The following ABCG2 variants were observed in gnomAD, a reference collection of about 807,000 sequenced individuals.
The protein encoded by ABCG2 is broad substrate specificity ATP-binding cassette transporter ABCG2.
In ABCG2, 80 loss-of-function variants were observed where a neutral mutation model predicts 73.5. That is an observed-to-expected ratio of 1.09 (90% CI 0.91 to 1.31). The LOEUF (loss-of-function observed/expected upper bound fraction) is 1.31. Ranked by LOEUF, ABCG2 falls within the 50% of genes most tolerant of loss-of-function variation. ABCG2 has a pLI of 0.00. For synonymous variants in ABCG2, 269 were observed against 282.4 expected, an observed-to-expected ratio of 0.95 and a Z score of 0.48; for missense variants, 796 against 786.2, an observed-to-expected ratio of 1.01 and a Z score of -0.15.
chr4:88,188,493 A>G (rs1728556858), intron 1 of ABCG2, among the ~76,000 whole-genome samples: 1 of 152,132 alleles, frequency 6.6e-6, no homozygotes. Flanking sequence ...GATTAGAAGC[A>G]TGAGCCACCA....
chr4:88,176,347 C>T (rs1727973076), intron 1 of ABCG2, among the ~76,000 whole-genome samples: 1 of 151,874 alleles, frequency 6.6e-6, no homozygotes, highest in African/African-American at 2.4e-5. Flanking sequence ...TCATTTCCTC[C>T]TCTCCTGTTC....
chr4:88,177,571 C>A (rs1379249310), intron 1 of ABCG2, among the ~76,000 whole-genome samples: 1 of 152,088 alleles, frequency 6.6e-6, no homozygotes, highest in Non-Finnish European at 1.5e-5. Flanking sequence ...CCAAATTGAA[C>A]CACTATCTAC....
chr4:88,140,005 T>C lies in ABCG2; in HGVS notation c.-10A>G, dbSNP rs1725520638. On this transcript the variant is annotated 5_prime_UTR_variant, in exon 2 of 16. Coordinates refer to ENST00000237612, the MANE Select transcript of ABCG2 (RefSeq NM_004827.3). ...CATTACTGGAAGACATCTGGAGAGT[T>C]TTTATCTTTCTGCAGACAGAAAAGC... 2 of 1,612,666 alleles carry C rather than the reference T, an allele frequency of 1.2e-6. No individual in the cohort carries two copies. Among genetic ancestry groups the C allele is most frequent in the African/African-American group, 2.7e-5 (2 of 75,020 alleles).
upstream of ABCG2, chr4:88,158,655 C>A (rs1234464211): frequency 2.2e-6 from 1 of 456,158 alleles, no homozygotes; most frequent in Non-Finnish European, 4.4e-6. Context: ...TTCCCTCCTG[C>A]GCGCCCGGAA....
chr4:88,184,011 C>G (rs1263682284), intron 1 of ABCG2, among the ~76,000 whole-genome samples: 2 of 151,988 alleles, frequency 1.3e-5, no homozygotes, highest in Non-Finnish European at 2.9e-5. Context: ...ATTCAACATC[C>G]CTTCATGATA....
chr4:88,138,321 G>A (rs976273458), intron 2 of ABCG2, among the ~76,000 whole-genome samples: 1 of 152,070 alleles, frequency 6.6e-6, no homozygotes, highest in Non-Finnish European at 1.5e-5. Flanking sequence ...TGCTGGGTAT[G>A]GAGACAAACA....
chr4:88,162,235 G>A (rs1216299923), upstream of ABCG2, among the ~76,000 whole-genome samples: 1 of 151,646 alleles, frequency 6.6e-6, no homozygotes, highest in African/African-American at 2.4e-5. Flanking sequence ...ATTTGTTCTG[G>A]GTAGTAACAT....
In ABCG2 at chr4:88,164,748, T is replaced by C. The variant is rs150343957; in HGVS notation, c.-19-24734A>G. On this transcript the variant is annotated intron_variant, in intron 1 of 15. Transcript: ENST00000515655. ...ACAAAAGGGAAGGAAGTTGGATGTA[T>C]CCTCATGGAGGTAAATGGATTTTTT... 2.0e-3 allele frequency among the ~76,000 whole-genome samples: 297 copies of C among 152,304 alleles called. 1 individual carries two copies. Among genetic ancestry groups the C allele is most frequent in the Non-Finnish European group, 3.8e-3 (257 of 68,024 alleles).
intron 1 of ABCG2, among the ~76,000 whole-genome samples, chr4:88,217,643 C>T (rs546807665): frequency 6.8e-6 from 1 of 148,122 alleles, no homozygotes; most frequent in African/African-American, 2.5e-5. Context: ...GCCTGGGCAA[C>T]AGAATGAGAC....
chr4:88,095,802 G>A (rs1721946162), intron 13 of ABCG2, among the ~76,000 whole-genome samples, 193 bp from the exon 14 acceptor site: 1 of 152,120 alleles, frequency 6.6e-6, no homozygotes, highest in South Asian at 2.1e-4. Context: ...CTATATAGCT[G>A]AAGTCATTTA....
At chr4:88,215,214 C>A (rs1461975921) in intron 1 of ABCG2, among the ~76,000 whole-genome samples, 1 of 152,044 alleles carries the variant, frequency 6.6e-6, no homozygotes, top group Non-Finnish European at 1.5e-5. Context: ...AATATTCAAG[C>A]CAAATTAATT....
intron 1 of ABCG2, among the ~76,000 whole-genome samples, chr4:88,144,408 G>C (rs560517995): frequency 6.7e-6 from 1 of 148,520 alleles, no homozygotes; most frequent in Non-Finnish European, 1.5e-5. Context: ...TTCATACCTC[G>C]CCTTTCTTGT....
intron 8 of ABCG2, 140 bp from the exon 9 acceptor site, chr4:88,113,693 C>T (rs568716333): frequency 1.3e-5 from 14 of 1,116,290 alleles, no homozygotes; most frequent in East Asian, 5.2e-5. Context: ...CCAGGCACGG[C>T]GGCTCATGAC....
chr4:88,101,436 G>A, intron 10 of ABCG2, 117 bp from the exon 11 acceptor site: 4 of 914,310 alleles, frequency 4.4e-6, no homozygotes, highest in Non-Finnish European at 6.9e-6. Flanking sequence ...GGAAAAAAAG[G>A]GAAACTGTTC....
intron 15 of ABCG2, among the ~76,000 whole-genome samples, chr4:88,093,459 G>C (rs572884276): frequency 6.9e-6 from 1 of 145,602 alleles, no homozygotes; most frequent in Admixed American, 7.1e-5. Context: ...AGCGGACATC[G>C]TGCCACTGCA....
chr4:88,121,129 A>G (rs1422642616), intron 6 of ABCG2, among the ~76,000 whole-genome samples: 1 of 152,226 alleles, frequency 6.6e-6, no homozygotes, highest in African/African-American at 2.4e-5. Flanking sequence ...CAATTTCAGT[A>G]CAATATGAAA....
At chr4:88,196,876 C>A (rs1258496292) in intron 1 of ABCG2, among the ~76,000 whole-genome samples, 1 of 151,632 alleles carries the variant, frequency 6.6e-6, no homozygotes, top group Non-Finnish European at 1.5e-5. Flanking sequence ...TTCTCCTTAA[C>A]AAGACCTGCC....
At position 88,219,227 on chromosome 4, in the gene ABCG2, T is replaced by C. The variant is rs367797920; in HGVS notation, c.-20+11767A>G. On this transcript the variant is annotated intron_variant, in intron 1 of 15. Transcript: ENST00000515655. ...AACACAACCTCCAGGTGGAGCCCTT[T>C]CTTTTTTCTCAGTACACTGTTCCGC... Among the ~76,000 whole-genome samples, 13 of 152,360 alleles carry C rather than the reference T, an allele frequency of 8.5e-5. No individual in the cohort carries two copies. In the East Asian group the frequency reaches 2.5e-3, roughly 29 times the overall value.
chr4:88,130,038 G>T (rs530976725), intron 5 of ABCG2, among the ~76,000 whole-genome samples: 1 of 152,098 alleles, frequency 6.6e-6, no homozygotes, highest in South Asian at 2.1e-4. Context: ...TAAAAGAAAG[G>T]CTATTAAAAA....
Sources: gnomAD v4.1 joint callset for allele counts (sites outside exome capture counted in the v4.1 genomes callset) on GRCh38, gnomAD v4.1.1 for gene constraint, MANE v1.5 for transcripts, NCBI Gene and HGNC (gene_info 2026-07-23, HGNC 2026-07-21) for gene names.